The following GRID1 variants were observed in gnomAD, a reference collection of about 807,000 sequenced individuals.
GRID1 encodes the protein glutamate ionotropic receptor delta type subunit 1.
A neutral mutation model predicts 98.0 loss-of-function variants in GRID1; 28 were observed. The observed-to-expected ratio is 0.29, with a 90% CI of 0.21 to 0.39. GRID1 has a LOEUF of 0.39. Ranked by LOEUF, GRID1 falls within the 10% of genes least tolerant of loss-of-function variation. GRID1 has a pLI of 1.00. For missense variants in GRID1, 1,111 were observed against 1,340.5 expected, an observed-to-expected ratio of 0.83 and a Z score of 2.67; for synonymous variants, 553 against 538.5, an observed-to-expected ratio of 1.03 and a Z score of -0.37.
At position 86,116,812 on chromosome 10, in the gene GRID1, G is replaced by T. The variant is rs540990677; in HGVS notation, c.726+22007C>A. Among the ~76,000 whole-genome samples, 3 of 152,158 alleles carry T rather than the reference G, an allele frequency of 2.0e-5. No homozygotes were observed. The South Asian group carries it at 6.2e-4, about 32-fold the overall frequency. On this transcript the variant is annotated intron_variant, in intron 4 of 15. Coordinates refer to ENST00000327946, the MANE Select transcript of GRID1 (RefSeq NM_017551.3). The stretch of plus-strand genomic sequence containing the variant: ...GAACCCAAGCCTTATTCACCTGCCA[G>T]CCCAGAATGTAGCACAAGCCTTCAA...
At chr10:86,318,439 C>T (rs1480339921) in intron 2 of GRID1, among the ~76,000 whole-genome samples, 2 of 152,232 alleles carry the variant, frequency 1.3e-5, no homozygotes, top group Non-Finnish European at 2.9e-5. Context: ...CTGCCCTCTG[C>T]CTGCCAGGGC....
At chr10:86,215,487 T>C (rs1382143693) in intron 2 of GRID1, among the ~76,000 whole-genome samples, 1 of 152,186 alleles carries the variant, frequency 6.6e-6, no homozygotes, top group Non-Finnish European at 1.5e-5. Context: ...ATTAATGACT[T>C]TTACTGCTCC....
chr10:86,190,882 ATGCATGCATGAGTGTGTACG>A (rs1485271458), intron 3 of GRID1, among the ~76,000 whole-genome samples: 1 of 151,718 alleles, frequency 6.6e-6, no homozygotes, highest in Non-Finnish European at 1.5e-5. Flanking sequence ...ATAGTCGTGC[ATGCATGCATGAGTGTGTACG>A]TGCATGCATG....
At chr10:85,663,064 G>A (rs1250638100) in intron 12 of GRID1, among the ~76,000 whole-genome samples, 1 of 152,052 alleles carries the variant, frequency 6.6e-6, no homozygotes, top group Middle Eastern at 3.2e-3. Context: ...CACATCTTGG[G>A]GAACACATCA....
At chr10:85,612,050 A>C (rs984582799) in intron 15 of GRID1, among the ~76,000 whole-genome samples, 5 of 152,200 alleles carry the variant, frequency 3.3e-5, no homozygotes, top group African/African-American at 1.2e-4. Flanking sequence ...GATATCCCCG[A>C]ACATTGCAGA....
intron 4 of GRID1, among the ~76,000 whole-genome samples, chr10:86,041,917 AG>A (rs1033267451): frequency 6.6e-6 from 1 of 152,142 alleles, no homozygotes; most frequent in Non-Finnish European, 1.5e-5. Context: ...CCTGCTACTG[AG>A]GACCCTGTCA....
intron 2 of GRID1, among the ~76,000 whole-genome samples, chr10:86,253,237 G>A (rs1336683174): frequency 6.6e-6 from 1 of 152,202 alleles, no homozygotes; most frequent in Non-Finnish European, 1.5e-5. Flanking sequence ...ATCTCCAAAA[G>A]CCGGGTTCCA....
intron 2 of GRID1, among the ~76,000 whole-genome samples, chr10:86,259,529 G>A (rs1263822586): frequency 1.3e-5 from 2 of 152,170 alleles, no homozygotes; most frequent in East Asian, 1.9e-4. Flanking sequence ...AATACAAATT[G>A]TCAAGGAAAA....
intron 4 of GRID1, among the ~76,000 whole-genome samples, chr10:85,923,199 C>T (rs917286944): frequency 2.6e-5 from 4 of 152,074 alleles, no homozygotes; most frequent in African/African-American, 9.7e-5. Flanking sequence ...AAGTCCAAGG[C>T]CCCCACCCTT....
intron 4 of GRID1, among the ~76,000 whole-genome samples, chr10:86,083,820 T>C (rs576455319): frequency 1.3e-5 from 2 of 152,142 alleles, no homozygotes; most frequent in Non-Finnish European, 2.9e-5. Flanking sequence ...AATACCCCAA[T>C]CCAGTGCACA....
intron 4 of GRID1, among the ~76,000 whole-genome samples, chr10:86,100,455 A>G: frequency 6.6e-6 from 1 of 152,100 alleles, no homozygotes; most frequent in East Asian, 1.9e-4. Context: ...TGAAACTTAC[A>G]CTCCAGTGAG....
intron 4 of GRID1, among the ~76,000 whole-genome samples, chr10:85,952,338 C>G (rs1842136445): frequency 6.6e-6 from 1 of 152,184 alleles, no homozygotes; most frequent in East Asian, 1.9e-4. Flanking sequence ...CCAAAAATAG[C>G]CTGGTTTTGT....
chr10:85,607,275 T>C (rs1313997478), intron 15 of GRID1: 2 of 152,230 alleles, frequency 1.3e-5, no homozygotes, highest in Non-Finnish European at 2.9e-5. Context: ...AGAACAGACT[T>C]TGCTTGGAGT....
intron 3 of GRID1, among the ~76,000 whole-genome samples, chr10:86,183,641 G>A (rs1453863469): frequency 3.9e-5 from 6 of 152,240 alleles, no homozygotes; most frequent in Non-Finnish European, 7.3e-5. Flanking sequence ...TTACAGGCGT[G>A]AGCCACCACG....
chr10:85,804,693 T>C (rs1842606711), intron 8 of GRID1, among the ~76,000 whole-genome samples: 1 of 151,838 alleles, frequency 6.6e-6, no homozygotes, highest in South Asian at 2.1e-4. Context: ...AATCAGTCAA[T>C]ATAATTCACT....
intron 4 of GRID1, among the ~76,000 whole-genome samples, chr10:86,021,572 AAAAGAC>A (rs934313985): frequency 1.4e-4 from 21 of 152,228 alleles, no homozygotes; most frequent in Admixed American, 5.2e-4. Context: ...AACTAAACAG[AAAAGAC>A]AAAGATTTCT....
At chr10:85,819,568 T>G (rs1016987953) in intron 8 of GRID1, among the ~76,000 whole-genome samples, 8 of 152,170 alleles carry the variant, frequency 5.3e-5, no homozygotes, top group African/African-American at 1.9e-4. Context: ...ATGAGAAGGG[T>G]ACCAGGTGGT....
intron 2 of GRID1, among the ~76,000 whole-genome samples, chr10:86,362,296 C>G (rs1848609957): frequency 6.6e-6 from 1 of 152,210 alleles, no homozygotes; most frequent in African/African-American, 2.4e-5. Context: ...CTGCCCTCCC[C>G]TGGCTGGAGC....
At chr10:85,974,034 C>T (rs1842440471) in intron 4 of GRID1, among the ~76,000 whole-genome samples, 1 of 152,168 alleles carries the variant, frequency 6.6e-6, no homozygotes, top group South Asian at 2.1e-4. Context: ...CATTCTTGGG[C>T]TCAGTGTGAG....
Sources: gnomAD v4.1 joint callset for allele counts (sites outside exome capture counted in the v4.1 genomes callset) on GRCh38, gnomAD v4.1.1 for gene constraint, MANE v1.5 for transcripts, NCBI Gene and HGNC (gene_info 2026-07-23, HGNC 2026-07-21) for gene names.